The following PTPN4 variants were observed in gnomAD, a reference collection of about 807,000 sequenced individuals.
PTPN4 encodes protein tyrosine phosphatase non-receptor type 4.
A neutral mutation model predicts 135.5 loss-of-function variants in PTPN4; 49 were observed. That is an observed-to-expected ratio of 0.36 (90% CI 0.29 to 0.46). The LOEUF is 0.46. Among genes scored for constraint, PTPN4 ranks in the 20% least tolerant of loss-of-function variants. The pLI is 1.00. For synonymous variants in PTPN4, 333 were observed against 369.9 expected (o/e 0.90, Z 1.14); for missense variants, 860 against 1,101.0 (o/e 0.78, Z 3.10).
intron 25 of PTPN4, among the ~76,000 whole-genome samples, chr2:119,965,846 A>T (rs938358125): frequency 1.3e-5 from 2 of 152,202 alleles, no homozygotes; most frequent in African/African-American, 2.4e-5. Flanking sequence ...AATAATACTG[A>T]TTGCACTGAT....
At chr2:119,786,888 TACAAC>T (rs1437937040) in intron 1 of PTPN4, among the ~76,000 whole-genome samples, 1 of 152,220 alleles carries the variant, frequency 6.6e-6, no homozygotes, top group Non-Finnish European at 1.5e-5. Context: ...TCCCCACAGA[TACAAC>T]CTGAGAGGCA....
At chr2:119,876,314 G>A (rs1677981882) in intron 3 of PTPN4, among the ~76,000 whole-genome samples, 1 of 152,124 alleles carries the variant, frequency 6.6e-6, no homozygotes, top group African/African-American at 2.4e-5. Flanking sequence ...AATCAACTGG[G>A]AGAGCAATTA....
chr2:119,902,599 A>G (rs1182465761), intron 10 of PTPN4, among the ~76,000 whole-genome samples: 1 of 152,230 alleles, frequency 6.6e-6, no homozygotes, highest in African/African-American at 2.4e-5. Context: ...TGAATAGGAC[A>G]TTTAAAAGAG....
chr2:119,810,594 G>C (rs1056215936), intron 2 of PTPN4, among the ~76,000 whole-genome samples: 1 of 151,738 alleles, frequency 6.6e-6, no homozygotes, highest in Admixed American at 6.6e-5. Flanking sequence ...GTTTATTGTT[G>C]GTATATATTT....
intron 1 of PTPN4, 35 bp from the exon 2 acceptor site, chr2:119,809,802 C>T: frequency 9.2e-6 from 14 of 1,513,904 alleles, no homozygotes; most frequent in East Asian, 2.3e-5. Context: ...TTTTACGAAC[C>T]TTTTATTTAG....
chr2:119,836,509 C>T (rs569604711), intron 2 of PTPN4, among the ~76,000 whole-genome samples: 11 of 152,366 alleles, frequency 7.2e-5, no homozygotes, highest in South Asian at 2.1e-4. Flanking sequence ...CAGTGGGGGA[C>T]GCGCAGCTGG....
intron 9 of PTPN4, among the ~76,000 whole-genome samples, chr2:119,895,787 G>C (rs1678313692): frequency 6.6e-6 from 1 of 152,058 alleles, no homozygotes; most frequent in Non-Finnish European, 1.5e-5. Context: ...TGGGCGCGGT[G>C]GCGGGCTCAG....
At chr2:119,822,877 A>G (rs2104957253) in intron 2 of PTPN4, among the ~76,000 whole-genome samples, 1 of 152,326 alleles carries the variant, frequency 6.6e-6, no homozygotes, top group Non-Finnish European at 1.5e-5. Context: ...GACTAACAAC[A>G]GTGGATGGTG....
At chr2:119,899,184 T>C (rs1678367855) in intron 9 of PTPN4, among the ~76,000 whole-genome samples, 1 of 152,220 alleles carries the variant, frequency 6.6e-6, no homozygotes, top group Non-Finnish European at 1.5e-5. Flanking sequence ...TTTTTGGACC[T>C]ACTGTCCACA....
intron 8 of PTPN4, among the ~76,000 whole-genome samples, chr2:119,884,666 A>G (rs1385738633): frequency 6.6e-6 from 1 of 152,072 alleles, no homozygotes; most frequent in African/African-American, 2.4e-5. Context: ...CTCTTAAGGA[A>G]AAGCTTATTG....
At chr2:119,770,991 T>A (rs1425359631) in intron 1 of PTPN4, among the ~76,000 whole-genome samples, 1 of 152,052 alleles carries the variant, frequency 6.6e-6, no homozygotes, top group Admixed American at 6.6e-5. Context: ...GCGATTCTCC[T>A]GCCTCAGCCT....
At chr2:119,960,600 A>G (rs1412415656) in intron 22 of PTPN4, among the ~76,000 whole-genome samples, 1 of 152,204 alleles carries the variant, frequency 6.6e-6, no homozygotes, top group Non-Finnish European at 1.5e-5. Context: ...CCACTAATTA[A>G]AAGATAAATA....
intron 2 of PTPN4, among the ~76,000 whole-genome samples, chr2:119,853,215 C>G (rs1677623242): frequency 6.6e-6 from 1 of 152,204 alleles, no homozygotes; most frequent in Non-Finnish European, 1.5e-5. Context: ...CTAGCAATTG[C>G]TGAGAGAGGG....
chr2:119,859,505 C>T (rs1677728954), intron 2 of PTPN4, among the ~76,000 whole-genome samples: 1 of 152,118 alleles, frequency 6.6e-6, no homozygotes, highest in African/African-American at 2.4e-5. Flanking sequence ...TTTAACTATC[C>T]CTTTTTCCAT....
chr2:119,836,057 A>C (rs544497287), intron 2 of PTPN4, among the ~76,000 whole-genome samples: 1 of 144,562 alleles, frequency 6.9e-6, no homozygotes, highest in South Asian at 2.2e-4. Context: ...TGACAGAGTG[A>C]GTCTCCGTCT....
intron 1 of PTPN4, among the ~76,000 whole-genome samples, chr2:119,787,097 G>A (rs922141809): frequency 7.2e-5 from 11 of 152,100 alleles, no homozygotes; most frequent in Admixed American, 5.9e-4. Context: ...GGGTGCACAC[G>A]TGTGCATGTG....
At chr2:119,830,009 C>G (rs995392278) in intron 2 of PTPN4, among the ~76,000 whole-genome samples, 1 of 151,674 alleles carries the variant, frequency 6.6e-6, no homozygotes, top group Non-Finnish European at 1.5e-5. Flanking sequence ...TAATAGCTAT[C>G]TTAGTAGGTG....
chr2:119,882,247 A>C, intron 7 of PTPN4, 98 bp downstream of exon 7: 1 of 1,240,740 alleles, frequency 8.1e-7, no homozygotes, highest in Non-Finnish European at 1.2e-6. Flanking sequence ...AAATGTTGCT[A>C]TATAGAAAAT....
intron 22 of PTPN4, 130 bp downstream of exon 22, chr2:119,957,207 AG>A: frequency 2.4e-6 from 2 of 840,534 alleles, no homozygotes; most frequent in Non-Finnish European, 3.6e-6. Flanking sequence ...ATATTATTGA[AG>A]TAATATTAAA....
Sources: gnomAD v4.1 joint callset for allele counts (sites outside exome capture counted in the v4.1 genomes callset) on GRCh38, gnomAD v4.1.1 for gene constraint, MANE v1.5 for transcripts, NCBI Gene and HGNC (gene_info 2026-07-23, HGNC 2026-07-21) for gene names.